TBL1XR1: variants seen among roughly 807,000 people sequenced by gnomAD.
TBL1XR1 encodes the protein F-box-like/WD repeat-containing protein TBL1XR1.
Under a neutral mutation model 66.9 loss-of-function variants are expected in TBL1XR1, and 5 were observed. The ratio of observed to expected loss-of-function variants is 0.07; its 90% CI spans 0.04 to 0.16. The LOEUF is 0.16. TBL1XR1 is among the 10% of genes least tolerant of loss of function. The probability of loss-of-function intolerance (pLI) is 1.00; values close to 1 mark genes in which losing one functional copy is unlikely to be tolerated. For synonymous variants in TBL1XR1, 210 were observed against 206.0 expected (o/e 1.02, Z -0.17); for missense variants, 238 against 623.2 (o/e 0.38, Z 6.58).
intron 1 of TBL1XR1, among the ~76,000 whole-genome samples, chr3:177,106,108 C>T (rs1724852182): frequency 6.6e-6 from 1 of 151,542 alleles, no homozygotes; most frequent in African/African-American, 2.4e-5. Context: ...ATGAAGACAC[C>T]ATAAACAGAA....
At chr3:177,167,598 T>C (rs9883673) in intron 1 of TBL1XR1, among the ~76,000 whole-genome samples, 5,438 of 152,282 alleles carry the variant, frequency 0.036, 343 homozygotes, top group African/African-American at 0.12. Flanking sequence ...TGTGTCTTTC[T>C]CTCAATTTTA....
upstream of TBL1XR1, among the ~76,000 whole-genome samples, chr3:177,198,599 C>G (rs1054733206): frequency 6.6e-6 from 1 of 152,114 alleles, no homozygotes; most frequent in Non-Finnish European, 1.5e-5. Flanking sequence ...CTTTCTAAGA[C>G]TTTCAGAAAG....
chr3:177,174,444 A>G (rs990054452), intron 1 of TBL1XR1, among the ~76,000 whole-genome samples: 9 of 148,980 alleles, frequency 6.0e-5, no homozygotes, highest in Non-Finnish European at 1.0e-4. Context: ...TATGATGATG[A>G]CAAAGGATTC....
chr3:177,128,759 C>T (rs1479305763), intron 1 of TBL1XR1, among the ~76,000 whole-genome samples: 1 of 152,222 alleles, frequency 6.6e-6, no homozygotes, highest in Non-Finnish European at 1.5e-5. Context: ...TTTCACACAA[C>T]TCTCTAAAGC....
chr3:177,023,423 T>C lies in TBL1XR1; in HGVS notation c.*2075A>G, dbSNP rs1712648786. On this transcript the variant is annotated 3_prime_UTR_variant, in exon 16 of 16. Transcript: ENST00000457928. ...GAATTCAAGTGCCAGATACTCAGCA[T>C]ATTAGGTTTCCTACGTAAGTCACAG... 6.6e-6 allele frequency: 1 copy of C among 152,650 alleles called. No homozygotes were observed. Among genetic ancestry groups the C allele is most frequent in the Admixed American group, 6.5e-5 (1 of 15,280 alleles). The allele number at this position is 152,650 out of a possible 1,614,324, so 9.5% of individuals were successfully genotyped here.
intron 1 of TBL1XR1, among the ~76,000 whole-genome samples, chr3:177,126,440 C>CT (rs1420836169): frequency 6.6e-6 from 1 of 152,188 alleles, no homozygotes; most frequent in Non-Finnish European, 1.5e-5. Flanking sequence ...ATCAGAGAAG[C>CT]TTTAAATCAT....
At chr3:177,166,866 T>C (rs540408554) in intron 1 of TBL1XR1, among the ~76,000 whole-genome samples, 3 of 152,288 alleles carry the variant, frequency 2.0e-5, no homozygotes, top group African/African-American at 7.2e-5. Flanking sequence ...GGTGAAGATG[T>C]GGAGCAAGAG....
At chr3:177,037,389 C>G (rs77765728) in intron 12 of TBL1XR1, 1 of 152,164 alleles carries the variant, frequency 6.6e-6, no homozygotes, top group East Asian at 1.9e-4. Flanking sequence ...GACTGAGTCA[C>G]AGGGTACAGA....
intron 1 of TBL1XR1, among the ~76,000 whole-genome samples, chr3:177,113,525 C>A (rs759351561): frequency 2.0e-5 from 3 of 152,040 alleles, no homozygotes; most frequent in Non-Finnish European, 4.4e-5. Flanking sequence ...AATCAAATAA[C>A]CTAATATTTA....
At chr3:177,051,937 C>T (rs555653583) in intron 4 of TBL1XR1, among the ~76,000 whole-genome samples, 3 of 152,174 alleles carry the variant, frequency 2.0e-5, no homozygotes, top group South Asian at 2.1e-4. Context: ...TCATTTAATT[C>T]ATACTATTAT....
chr3:177,049,423 C>T (rs1335796370), intron 7 of TBL1XR1, among the ~76,000 whole-genome samples: 3 of 152,110 alleles, frequency 2.0e-5, no homozygotes, highest in African/African-American at 7.2e-5. Context: ...TCACAGTAGT[C>T]AAGTTGTCCT....
Position 177,138,692 on chromosome 3 carries a change from A to G in TBL1XR1, c.-121-40151T>C, listed in dbSNP as rs1200639357. Among the ~76,000 whole-genome samples the G allele has an allele frequency of 4.6e-5, 7 of 152,282 alleles. No homozygotes were observed. The East Asian group carries it at 9.7e-4, about 21-fold the overall frequency. ...AGAGAGCAGTACAGCACAAAGATGA[A>G]GGCAACACTAGACCTCTAATGCTGA... On this transcript the variant is annotated intron_variant, in intron 1 of 15. Coordinates refer to ENST00000457928, the MANE Select transcript of TBL1XR1 (RefSeq NM_024665.7).
intron 14 of TBL1XR1, among the ~76,000 whole-genome samples, chr3:177,029,897 T>C (rs1713697020): frequency 6.6e-6 from 1 of 152,218 alleles, no homozygotes; most frequent in East Asian, 1.9e-4. Flanking sequence ...AAAATGCAAA[T>C]ACAAAATGTT....
chr3:177,140,216 G>A lies in TBL1XR1; in HGVS notation c.-121-41675C>T, dbSNP rs141914384. Among the ~76,000 whole-genome samples the A allele has an allele frequency of 3.1e-3, 471 of 152,242 alleles. 4 individuals are homozygous for A. Among genetic ancestry groups the A allele is most frequent in the African/African-American group, 0.011 (451 of 41,556 alleles). ...CTCGGGAGGCTGAGGCAGAAGAATCGCTTGAACCCGGAGGCGGAAGTTGCA... is the reference window on the plus strand; with the variant it reads ...CTCGGGAGGCTGAGGCAGAAGAATCACTTGAACCCGGAGGCGGAAGTTGCA... On this transcript the variant is annotated intron_variant, in intron 1 of 15. Coordinates refer to ENST00000457928, the MANE Select transcript of TBL1XR1 (RefSeq NM_024665.7).
chr3:177,108,704 C>T (rs1473847932), intron 1 of TBL1XR1, among the ~76,000 whole-genome samples: 1 of 151,908 alleles, frequency 6.6e-6, no homozygotes, highest in East Asian at 1.9e-4. Flanking sequence ...ACTCCCTAAG[C>T]AAAAAAATTG....
At chr3:177,155,123 A>G (rs1731338164) in intron 1 of TBL1XR1, among the ~76,000 whole-genome samples, 1 of 152,208 alleles carries the variant, frequency 6.6e-6, no homozygotes, top group Non-Finnish European at 1.5e-5. Flanking sequence ...GCAACACCTT[A>G]AGGGCACTAT....
At chr3:177,134,184 T>G (rs1422956582) in intron 1 of TBL1XR1, among the ~76,000 whole-genome samples, 1 of 152,210 alleles carries the variant, frequency 6.6e-6, no homozygotes, top group African/African-American at 2.4e-5. Flanking sequence ...GATTCTTTAT[T>G]CCTGTTTTTG....
chr3:177,072,462 T>C (rs1457110103), intron 2 of TBL1XR1, among the ~76,000 whole-genome samples: 7 of 139,124 alleles, frequency 5.0e-5, no homozygotes, highest in African/African-American at 1.6e-4. Context: ...TTTTCACCAC[T>C]ATGCACTCAA....
intron 1 of TBL1XR1, among the ~76,000 whole-genome samples, chr3:177,169,871 C>T (rs1254666764): frequency 3.3e-5 from 5 of 151,978 alleles, no homozygotes; most frequent in African/African-American, 1.2e-4. Flanking sequence ...CTTTATCCCA[C>T]CCAGTGGCTC....
Sources: gnomAD v4.1 joint callset for allele counts (sites outside exome capture counted in the v4.1 genomes callset) on GRCh38, gnomAD v4.1.1 for gene constraint, MANE v1.5 for transcripts, NCBI Gene and HGNC (gene_info 2026-07-23, HGNC 2026-07-21) for gene names.